ACYP2: variants seen among roughly 807,000 people sequenced by gnomAD.
The protein encoded by ACYP2 is acylphosphatase 2, also known as acylphosphatase-2.
In ACYP2, 12 loss-of-function variants were observed where a neutral mutation model predicts 11.2. That is an observed-to-expected ratio of 1.08 (90% confidence interval 0.69 to 1.74). ACYP2 has a LOEUF of 1.74. ACYP2 is among the 40% of genes most tolerant of loss of function. ACYP2 has a pLI of 0.00. For missense variants in ACYP2, 134 were observed against 101.9 expected (o/e 1.31, Z -1.35); for synonymous variants, 43 against 32.2 (o/e 1.33, Z -1.13).
At chr2:54,071,906 G>A (rs1390594739) in intron 4 of ACYP2, among the ~76,000 whole-genome samples, 1 of 152,132 alleles carries the variant, frequency 6.6e-6, no homozygotes, top group Non-Finnish European at 1.5e-5. Flanking sequence ...AGCTACTTAG[G>A]AGGCTGAGGC....
rs180985588 is a variant in ACYP2, at chr2:54,119,815, G to A, written c.278-15638G>A. Among the ~76,000 whole-genome samples, 176 of 151,364 alleles carry A rather than the reference G, an allele frequency of 1.2e-3. 1 individual carries two copies. The highest frequency in any genetic ancestry group is 4.2e-3 in the African/African-American group (172 of 41,296). ...GTTTTTACCTAATGTCTTTTTTTTG[G>A]TTCCAGGATCCCATCCAGATACATT... is the stretch of plus-strand genomic sequence containing the variant. On this transcript the variant is annotated intron_variant, in intron 4 of 6. Coordinates refer to ENST00000607452, the MANE Select transcript of ACYP2 (RefSeq NM_001320586.2).
intron 6 of ACYP2, among the ~76,000 whole-genome samples, chr2:54,201,615 TC>T (rs1228596508): frequency 1.3e-4 from 10 of 78,690 alleles, no homozygotes; most frequent in East Asian, 7.2e-4. Context: ...TTTCTTTCTT[TC>T]TTTCTTTGTT....
In ACYP2 at chr2:54,115,708, G is replaced by A. The variant is rs765862593; in HGVS notation, c.278-19745G>A. ...AGGGCTCGCCGCCGCCATGTCTACCGCCCAGTCACTCAAATCCGTGGACTA... is the reference window on the plus strand; with the variant it reads ...AGGGCTCGCCGCCGCCATGTCTACCACCCAGTCACTCAAATCCGTGGACTA... On this transcript the variant is annotated intron_variant, in intron 4 of 6. Coordinates refer to ENST00000607452, the MANE Select transcript of ACYP2 (RefSeq NM_001320586.2). 9.3e-6 allele frequency: 15 copies of A among 1,612,708 alleles called. No homozygotes were observed. The highest frequency in any genetic ancestry group is 1.7e-4 in the Middle Eastern group (1 of 6,056).
intron 6 of ACYP2, among the ~76,000 whole-genome samples, chr2:54,221,520 C>CT (rs548466074): frequency 0.025 from 3,140 of 127,274 alleles, 132 homozygotes; most frequent in African/African-American, 0.081. Flanking sequence ...GAATAAAATT[C>CT]TTTTTTTTTT....
intron 6 of ACYP2, among the ~76,000 whole-genome samples, chr2:54,181,215 A>G (rs1287439280): frequency 2.6e-5 from 4 of 152,214 alleles, no homozygotes; most frequent in Admixed American, 6.5e-5. Context: ...CAAATAAACA[A>G]GATTATTGTG....
chr2:54,271,730 C>T (rs188933842), intron 6 of ACYP2, among the ~76,000 whole-genome samples: 19 of 152,142 alleles, frequency 1.2e-4, no homozygotes, highest in Admixed American at 1.0e-3. Context: ...TCTGTGTCCC[C>T]TCCACCCTTT....
chr2:54,051,831 G>C, intron 3 of ACYP2: 1 of 348,400 alleles, frequency 2.9e-6, no homozygotes, highest in Non-Finnish European at 5.3e-6. Context: ...AATCACCTGA[G>C]GTCAGGAGTT....
chr2:53,994,202 C>G (rs1450461335), intron 2 of ACYP2, among the ~76,000 whole-genome samples: 1 of 151,778 alleles, frequency 6.6e-6, no homozygotes, highest in Non-Finnish European at 1.5e-5. Context: ...TGGTGGCAGG[C>G]GCCTGTAGCC....
At chr2:54,201,696 C>G (rs1261730936) in intron 6 of ACYP2, among the ~76,000 whole-genome samples, 7 of 113,262 alleles carry the variant, frequency 6.2e-5, no homozygotes, top group Non-Finnish European at 1.1e-4. Context: ...CTCTCTCTCT[C>G]TCTTTTTTCT....
At chr2:54,265,056 T>G (rs904905994) in intron 6 of ACYP2, among the ~76,000 whole-genome samples, 1 of 152,098 alleles carries the variant, frequency 6.6e-6, no homozygotes, top group Non-Finnish European at 1.5e-5. Flanking sequence ...ATGTAGCTAT[T>G]TGATTGTACT....
At chr2:54,048,401 G>T (rs1439459180) in intron 2 of ACYP2, among the ~76,000 whole-genome samples, 1 of 152,138 alleles carries the variant, frequency 6.6e-6, no homozygotes, top group African/African-American at 2.4e-5. Flanking sequence ...ATTCCAGCCT[G>T]AGTGATGGAG....
At chr2:54,058,860 G>A (rs1385942222) in intron 4 of ACYP2, among the ~76,000 whole-genome samples, 1 of 152,148 alleles carries the variant, frequency 6.6e-6, no homozygotes, top group African/African-American at 2.4e-5. Flanking sequence ...ATGTCTCTGG[G>A]AGGAGGGATG....
intron 6 of ACYP2, among the ~76,000 whole-genome samples, chr2:54,228,322 G>GC (rs1686093800): frequency 1.3e-5 from 2 of 152,190 alleles, no homozygotes; most frequent in African/African-American, 4.8e-5. Context: ...CATAACAACA[G>GC]CAACAGCTAA....
intron 4 of ACYP2, among the ~76,000 whole-genome samples, chr2:54,090,947 C>G (rs532706573): frequency 6.6e-6 from 1 of 152,274 alleles, no homozygotes; most frequent in Admixed American, 6.5e-5. Flanking sequence ...GGTAGGAATT[C>G]TACACTAGAC....
At chr2:54,049,951 G>T (rs1425915703) in intron 2 of ACYP2, among the ~76,000 whole-genome samples, 1 of 152,122 alleles carries the variant, frequency 6.6e-6, no homozygotes, top group African/African-American at 2.4e-5. Flanking sequence ...TTTTTGGAAA[G>T]CCAAATCTAT....
At chr2:54,285,915 G>A (rs960151651) in intron 6 of ACYP2, among the ~76,000 whole-genome samples, 1 of 152,150 alleles carries the variant, frequency 6.6e-6, no homozygotes, top group Non-Finnish European at 1.5e-5. Flanking sequence ...AGTTGGAAAG[G>A]TCTCTGAAGG....
At position 54,210,678 on chromosome 2, in the gene ACYP2, C is replaced by T. The variant is rs558190548; in HGVS notation, c.404+71930C>T. 3.3e-5 allele frequency among the ~76,000 whole-genome samples: 5 copies of T among 151,760 alleles called. No homozygotes were observed. The South Asian group carries it at 8.3e-4, about 25-fold the overall frequency. ...TAAGTACTTATGAGTATTGTTTATTCAAAACAGTATTAATAATTTTCAGTC... is the reference window on the plus strand; with the variant it reads ...TAAGTACTTATGAGTATTGTTTATTTAAAACAGTATTAATAATTTTCAGTC... On this transcript the variant is annotated intron_variant, in intron 6 of 6. Transcript: ENST00000607452.
chr2:54,287,925 C>A (rs928393685), intron 6 of ACYP2, among the ~76,000 whole-genome samples: 12 of 151,980 alleles, frequency 7.9e-5, no homozygotes, highest in Non-Finnish European at 1.6e-4. Context: ...TGGGAACATT[C>A]CCTCATCAGC....
At chr2:54,101,668 T>C (rs1227385486) in intron 4 of ACYP2, among the ~76,000 whole-genome samples, 1 of 99,862 alleles carries the variant, frequency 1.0e-5, no homozygotes, top group African/African-American at 3.5e-5. Context: ...AGGGAGACTG[T>C]CTCAAAAAAA....
Sources: allele counts gnomAD v4.1 joint callset (sites outside exome capture counted in the v4.1 genomes callset), GRCh38; gene constraint gnomAD v4.1.1; transcripts MANE v1.5; gene names NCBI Gene and HGNC (gene_info 2026-07-23, HGNC 2026-07-21).